The following GLB1L2 variants were observed in gnomAD, a reference collection of about 807,000 sequenced individuals.
GLB1L2 encodes galactosidase beta 1 like 2.
A neutral mutation model predicts 84.1 loss-of-function variants in GLB1L2; 68 were observed. That is an observed-to-expected ratio of 0.81 (90% CI 0.67 to 0.99). The LOEUF (loss-of-function observed/expected upper bound fraction) is 0.99. Ranked by LOEUF, GLB1L2 falls within the 50% of genes least tolerant of loss-of-function variation. The pLI is 0.00. For missense variants in GLB1L2, 762 were observed against 805.6 expected (o/e 0.95, Z 0.66); for synonymous variants, 290 against 318.0 (o/e 0.91, Z 0.94).
In GLB1L2 at chr11:134,366,979, T is replaced by C. The variant is rs1285743546; in HGVS notation, c.805-278T>C. 8.7e-6 allele frequency: 4 copies of C among 459,584 alleles called. No individual in the cohort carries two copies. In the Admixed American group the frequency reaches 1.1e-4, roughly 13 times the overall value. 28.5% of individuals were successfully genotyped at this position (459,584 alleles called of 1,614,324 possible). A position where few individuals can be genotyped will look rare whatever the true frequency, so the allele number is the denominator to read the frequency against. The stretch of plus-strand genomic sequence containing the variant: ...TGATCCTGGACCAGTGTCTTCTTGC[T>C]AACACGTATGCAACATTAAAACCAT... On this transcript the variant is annotated intron_variant, in intron 8 of 18. Transcript: ENST00000535456.
intron 7 of GLB1L2, among the ~76,000 whole-genome samples, chr11:134,363,598 G>A (rs760858555): frequency 4.6e-5 from 7 of 152,304 alleles, no homozygotes; most frequent in Middle Eastern, 3.4e-3. Flanking sequence ...AATTTTAAAC[G>A]GAACATGTTA....
At chr11:134,365,958 T>G (rs1591622846) in intron 8 of GLB1L2, among the ~76,000 whole-genome samples, 1 of 152,224 alleles carries the variant, frequency 6.6e-6, no homozygotes, top group African/African-American at 2.4e-5. Context: ...AAGGGTGTTA[T>G]GTGCACTCTC....
chr11:134,332,173 T>TGCCGGACCCCACATTCCCCAGCCC, intron 1 of GLB1L2, 26 bp downstream of exon 1: 1 of 1,467,192 alleles, frequency 6.8e-7, no homozygotes, highest in South Asian at 1.2e-5. Flanking sequence ...GCGCAGCACC[T>TGCCGGACCCCACATTCCCCAGCCC]GCCGGACCCC....
intron 8 of GLB1L2, among the ~76,000 whole-genome samples, chr11:134,365,685 G>T (rs1421708171): frequency 1.3e-5 from 2 of 152,204 alleles, no homozygotes; most frequent in Non-Finnish European, 2.9e-5. Flanking sequence ...GCCTTCCCAG[G>T]CCAGCTGTCC....
chr11:134,369,382 T>TG (rs377038086), intron 10 of GLB1L2, among the ~76,000 whole-genome samples: 1 of 152,116 alleles, frequency 6.6e-6, no homozygotes, highest in Non-Finnish European at 1.5e-5. Flanking sequence ...TTTGTAGAGG[T>TG]GGGGGTCTCG....
Position 134,368,663 on chromosome 11 carries a change from T to A in GLB1L2, c.909T>A (p.Ser303=). 6.2e-7 allele frequency: 1 copy of A among 1,613,948 alleles called. No individual in the cohort carries two copies. The highest frequency in any genetic ancestry group is 8.5e-7 in the Non-Finnish European group (1 of 1,180,030). Reference sequence around the variant, plus strand: ...CGGCAGAGGTTTTGAAAACCGTGTCTGCCATTGTGGACGCCGGCTCCTCCA... The same window carrying A: ...CGGCAGAGGTTTTGAAAACCGTGTCAGCCATTGTGGACGCCGGCTCCTCCA... The part of the protein sequence containing the change: ...LDSSEVLKTV[S]AIVDAGSSIN... The change falls in exon 10 of 19, where the codon TCT becomes TCA. Residue 303 remains serine, a synonymous_variant. Coordinates refer to ENST00000535456, the MANE Select transcript of GLB1L2 (RefSeq NM_001370461.1).
At chr11:134,357,600 C>T (rs541399727) in intron 6 of GLB1L2, among the ~76,000 whole-genome samples, 6 of 152,378 alleles carry the variant, frequency 3.9e-5, no homozygotes, top group Admixed American at 3.3e-4. Flanking sequence ...TACTCAGCTG[C>T]AGAGAAGGAG....
Position 134,370,944 on chromosome 11 carries a change from C to T in GLB1L2, c.1216-64C>T. 6.3e-7 allele frequency: 1 copy of T among 1,585,734 alleles called. No individual in the cohort carries two copies. The highest frequency in any genetic ancestry group is 8.6e-7 in the Non-Finnish European group (1 of 1,163,098). On this transcript the variant is annotated intron_variant, in intron 12 of 18. Transcript: ENST00000535456. The surrounding 1 kb of genome is among the most constrained non-coding windows in gnomAD (Gnocchi z 4.7). ...TCCACCCCATGTGCCAGCCCCCAGG[C>T]AGAGTCTGTCTGTGACCCCACTCCT...
chr11:134,348,778 G>A (rs572489302), intron 5 of GLB1L2, among the ~76,000 whole-genome samples: 1 of 152,196 alleles, frequency 6.6e-6, no homozygotes, highest in South Asian at 2.1e-4. Flanking sequence ...GTTTTGGAGA[G>A]TGGGAAGTCC....
chr11:134,342,469 C>G (rs1168141278), intron 1 of GLB1L2, among the ~76,000 whole-genome samples: 3 of 152,086 alleles, frequency 2.0e-5, no homozygotes, highest in African/African-American at 7.2e-5. Context: ...AGCAGCCTCT[C>G]CCGTGGCGTG....
chr11:134,371,844 T>C lies in GLB1L2; in HGVS notation c.1507+14T>C, dbSNP rs201062538. 2 of 1,612,958 alleles carry C rather than the reference T, an allele frequency of 1.2e-6. No individual in the cohort carries two copies. Reference sequence around the variant, plus strand: ...ACCAGCGCAAAGGTGGGTCCCAGAATGTGTCAAAAGAAGAGTGGCCATGCT... The same window carrying C: ...ACCAGCGCAAAGGTGGGTCCCAGAACGTGTCAAAAGAAGAGTGGCCATGCT... On this transcript the variant is annotated intron_variant, in intron 15 of 18. Transcript: ENST00000535456.
At chr11:134,342,730 T>C in intron 1 of GLB1L2, 24 bp from the exon 2 acceptor site, 1 of 1,608,308 alleles carries the variant, frequency 6.2e-7, no homozygotes, top group Non-Finnish European at 8.5e-7. Flanking sequence ...GCCTCCAGGC[T>C]CCAGAATGTC....
chr11:134,371,307 C>T, intron 13 of GLB1L2, 114 bp from the exon 14 acceptor site: 2 of 1,206,470 alleles, frequency 1.7e-6, no homozygotes, highest in South Asian at 1.2e-5. Context: ...TCTGCTCTGC[C>T]CACTGGCCCC....
chr11:134,362,310 C>T (rs1422778161), intron 7 of GLB1L2, among the ~76,000 whole-genome samples: 1 of 148,312 alleles, frequency 6.7e-6, no homozygotes, highest in Non-Finnish European at 1.5e-5. Context: ...AAGCGCTGCC[C>T]GCGTTCCCTT....
chr11:134,373,360 T>A (rs10894803), intron 15 of GLB1L2, among the ~76,000 whole-genome samples: 29,422 of 152,136 alleles, frequency 0.19, 3,379 homozygotes, highest in East Asian at 0.5. Flanking sequence ...TCTGTGTAGC[T>A]TGGGCCCCAC....
chr11:134,345,372 C>G (rs905679247), intron 4 of GLB1L2, among the ~76,000 whole-genome samples: 1 of 152,254 alleles, frequency 6.6e-6, no homozygotes, highest in Non-Finnish European at 1.5e-5. Context: ...AGGGCTGGCC[C>G]TCCTGGCATC....
chr11:134,334,096 T>C lies in GLB1L2; in HGVS notation c.86+1949T>C, dbSNP rs1460134711. 6.6e-6 allele frequency among the ~76,000 whole-genome samples: 1 copy of C among 152,160 alleles called. No homozygotes were observed. The highest frequency in any genetic ancestry group is 2.4e-5 in the African/African-American group (1 of 41,436). On this transcript the variant is annotated intron_variant, in intron 1 of 18. Coordinates refer to ENST00000535456, the MANE Select transcript of GLB1L2 (RefSeq NM_001370461.1). This position sits in a 1 kb window ranked among gnomAD's most constrained non-coding sequence, Gnocchi z 4.1. ...AGGAGGAGAACATCCTCTTTGTCTTTCCCTCTTCCTGTCTTGCCCCAGCTC... is the reference window on the plus strand; with the variant it reads ...AGGAGGAGAACATCCTCTTTGTCTTCCCCTCTTCCTGTCTTGCCCCAGCTC...
intron 7 of GLB1L2, chr11:134,360,048 T>G (rs1393179645): frequency 6.6e-6 from 1 of 152,386 alleles, no homozygotes; most frequent in East Asian, 1.9e-4. Flanking sequence ...ATTCATCTGT[T>G]TCACCCAGCA....
At chr11:134,367,736 G>A (rs1361026359) in intron 9 of GLB1L2, among the ~76,000 whole-genome samples, 3 of 152,236 alleles carry the variant, frequency 2.0e-5, no homozygotes, top group South Asian at 2.1e-4. Context: ...ATCACACTCC[G>A]CTGCATGTCA....
Sources: allele counts gnomAD v4.1 joint callset (sites outside exome capture counted in the v4.1 genomes callset), GRCh38; gene constraint gnomAD v4.1.1; non-coding constraint Gnocchi (gnomAD v3.1); transcripts MANE v1.5; gene names NCBI Gene and HGNC (gene_info 2026-07-23, HGNC 2026-07-21).